The following GSE1 variants were observed in gnomAD, a reference collection of about 807,000 sequenced individuals.
GSE1 encodes the protein genetic suppressor element 1.
In GSE1, 32 loss-of-function variants were observed where a neutral mutation model predicts 112.6. The ratio of observed to expected loss-of-function variants is 0.28; its 90% CI spans 0.21 to 0.38. The LOEUF (loss-of-function observed/expected upper bound fraction) is 0.38, where lower values mean the gene tolerates loss of function less well. Ranked by LOEUF, GSE1 falls within the 10% of genes least tolerant of loss-of-function variation. GSE1 has a pLI of 1.00. For synonymous variants in GSE1, 1,115 were observed against 735.6 expected (o/e 1.52, Z -8.35); for missense variants, 2,348 against 1,699.2 (o/e 1.38, Z -6.71).
At chr16:85,417,658 GC>G (rs1027718053) in intron 2 of GSE1, among the ~76,000 whole-genome samples, 2 of 152,222 alleles carry the variant, frequency 1.3e-5, no homozygotes, top group African/African-American at 4.8e-5. Flanking sequence ...GAAGGCTGGG[GC>G]CCAAGGCCAG....
intron 2 of GSE1, among the ~76,000 whole-genome samples, chr16:85,479,779 G>A (rs1427927104): frequency 6.6e-6 from 1 of 152,184 alleles, no homozygotes; most frequent in Non-Finnish European, 1.5e-5. Context: ...GTCACTGTGT[G>A]CCAGGTGCCG....
At chr16:85,216,552 C>G (rs1167260896) in intron 1 of GSE1, among the ~76,000 whole-genome samples, 1 of 152,204 alleles carries the variant, frequency 6.6e-6, no homozygotes, top group African/African-American at 2.4e-5. Flanking sequence ...CCACACGTGT[C>G]AGGAACACAA....
At chr16:85,632,694 A>G (rs1567683766) in intron 1 of GSE1, among the ~76,000 whole-genome samples, 2 of 151,922 alleles carry the variant, frequency 1.3e-5, no homozygotes, top group African/African-American at 4.8e-5. Flanking sequence ...CCCTTACCCC[A>G]TAGGAAGTGC....
upstream of GSE1, among the ~76,000 whole-genome samples, chr16:85,612,541 C>T (rs1381615628): frequency 6.6e-6 from 1 of 152,098 alleles, no homozygotes; most frequent in African/African-American, 2.4e-5. Context: ...TTCTCCAGCC[C>T]CTGGGCCGCG....
rs902409331 is a variant in GSE1 at position 85,419,932 on chromosome 16, G to T, written c.2464+62289G>T. 6.6e-6 allele frequency among the ~76,000 whole-genome samples: 1 copy of T among 152,214 alleles called. No individual in the cohort carries two copies. Among genetic ancestry groups the T allele is most frequent in the African/African-American group, 2.4e-5 (1 of 41,448 alleles). On this transcript the variant is annotated intron_variant, in intron 2 of 2. Transcript: ENST00000637419. The surrounding 1 kb of genome is among the most constrained non-coding windows in gnomAD (Gnocchi z 6.5). ...TGGAACAGAACTGAGGGACAGCAGG[G>T]GCAAAGTCTGAGCTAGGAAGGCCCC...
At chr16:85,560,221 C>T (rs1413107851) in intron 1 of GSE1, among the ~76,000 whole-genome samples, 5 of 151,234 alleles carry the variant, frequency 3.3e-5, no homozygotes, top group African/African-American at 9.7e-5. Context: ...CTGCAACCTC[C>T]GCCTCCCGGG....
rs1450147371 is a variant in GSE1, at chr16:85,675,046, A to G, written c.*2507A>G. On this transcript the variant is annotated 3_prime_UTR_variant, in exon 16 of 16. Coordinates refer to ENST00000253458, the MANE Select transcript of GSE1 (RefSeq NM_014615.5). The stretch of plus-strand genomic sequence containing the variant: ...CACAGTACCCAGTCATGGTTTCCCC[A>G]TCCAACTATTAGTTTCATACTTTGA... 1 of 152,488 alleles carries G rather than the reference A, an allele frequency of 6.6e-6. No homozygotes were observed. The highest frequency in any genetic ancestry group is 1.5e-5 in the Non-Finnish European group (1 of 68,052). 9.4% of individuals were successfully genotyped at this position (152,488 alleles called of 1,614,324 possible). A position where few individuals can be genotyped will look rare whatever the true frequency, so the allele number is the denominator to read the frequency against.
chr16:85,490,147 C>CCTGCTGG (rs2050964536), intron 2 of GSE1: 1 of 152,466 alleles, frequency 6.6e-6, no homozygotes, highest in African/African-American at 2.4e-5. Flanking sequence ...CCTGCCTTGG[C>CCTGCTGG]CTGCTGGCTG....
chr16:85,219,491 C>G (rs2075356606), intron 1 of GSE1, among the ~76,000 whole-genome samples: 1 of 152,170 alleles, frequency 6.6e-6, no homozygotes, highest in Non-Finnish European at 1.5e-5. Context: ...GTCAGGGAGC[C>G]TCGGCCCTCA....
At chr16:85,553,262 C>G (rs1376578444), upstream of GSE1, among the ~76,000 whole-genome samples, 1 of 149,868 alleles carries the variant, frequency 6.7e-6, no homozygotes, top group Non-Finnish European at 1.5e-5. Flanking sequence ...AGGGCAGGTG[C>G]CGGACCCCGA....
chr16:85,460,494 C>T (rs779462814), intron 2 of GSE1, among the ~76,000 whole-genome samples: 1 of 152,242 alleles, frequency 6.6e-6, no homozygotes, highest in Non-Finnish European at 1.5e-5. Context: ...GAAGAAAGCA[C>T]TTGGCAAAAT....
At chr16:85,315,739 G>T (rs1476095930) in intron 1 of GSE1, among the ~76,000 whole-genome samples, 4 of 152,196 alleles carry the variant, frequency 2.6e-5, no homozygotes, top group Non-Finnish European at 5.9e-5. Flanking sequence ...TGCAGTATTT[G>T]GGATATACTT....
chr16:85,446,511 C>T (rs533005196), intron 2 of GSE1, among the ~76,000 whole-genome samples: 5 of 152,202 alleles, frequency 3.3e-5, no homozygotes, highest in Non-Finnish European at 5.9e-5. Flanking sequence ...CCAGGAGCCC[C>T]CGGTGGGCCC....
At chr16:85,554,792 A>AGGAC (rs1428143194), upstream of GSE1, 374 of 595,090 alleles carry the variant, frequency 6.3e-4, 3 homozygotes, top group African/African-American at 0.015. Flanking sequence ...GGAGGGAGGG[A>AGGAC]GGACGGACGG....
intron 1 of GSE1, among the ~76,000 whole-genome samples, chr16:85,249,275 C>T (rs985077045): frequency 6.6e-6 from 1 of 152,246 alleles, no homozygotes; most frequent in Non-Finnish European, 1.5e-5. Context: ...GAGCCCGTCT[C>T]TGACTTGGCC....
At chr16:85,317,909 G>A (rs1439948366) in intron 1 of GSE1, among the ~76,000 whole-genome samples, 4 of 152,208 alleles carry the variant, frequency 2.6e-5, no homozygotes, top group Admixed American at 6.5e-5. Flanking sequence ...GCCTCAGCCC[G>A]GGGTTCCTGG....
rs2074812446 is a variant in GSE1 at position 85,191,184 on chromosome 16, T to A, written c.2283+19377T>A. 2.6e-5 allele frequency among the ~76,000 whole-genome samples: 4 copies of A among 152,242 alleles called. No individual in the cohort carries two copies. The South Asian group carries it at 8.3e-4, about 32-fold the overall frequency. Reference sequence around the variant, plus strand: ...CTGAGGCGGGAGAATTGCTTGAACCTGGGAAGCAGAGGCTGCAGTGAGCCA... The same window carrying A: ...CTGAGGCGGGAGAATTGCTTGAACCAGGGAAGCAGAGGCTGCAGTGAGCCA... On this transcript the variant is annotated intron_variant, in intron 1 of 2. Transcript: ENST00000637419.
At chr16:85,641,458 C>T (rs528447438) in intron 2 of GSE1, among the ~76,000 whole-genome samples, 27 of 146,176 alleles carry the variant, frequency 1.8e-4, no homozygotes, top group African/African-American at 6.9e-4. Context: ...TGAGGTGGAG[C>T]CTCGTTGGTG....
At chr16:85,301,444 G>C (rs2045523126) in intron 1 of GSE1, among the ~76,000 whole-genome samples, 1 of 152,200 alleles carries the variant, frequency 6.6e-6, no homozygotes, top group Admixed American at 6.5e-5. Context: ...TCTGCCAGCA[G>C]ACACAGGCTC....
Sources: gnomAD v4.1 joint callset for allele counts (sites outside exome capture counted in the v4.1 genomes callset) on GRCh38, gnomAD v4.1.1 for gene constraint, Gnocchi (gnomAD v3.1) non-coding constraint, MANE v1.5 for transcripts, NCBI Gene and HGNC (gene_info 2026-07-23, HGNC 2026-07-21) for gene names.